The following NEBL variants were observed in gnomAD, a reference collection of about 807,000 sequenced individuals.
NEBL encodes nebulette, also known as LIM and SH3 protein 2.
A neutral mutation model predicts 140.2 loss-of-function variants in NEBL; 122 were observed. The ratio of observed to expected loss-of-function variants is 0.87; its 90% CI spans 0.75 to 1.01. NEBL has a LOEUF of 1.01. NEBL is among the 50% of genes least tolerant of loss of function. The pLI is 0.00. For missense variants in NEBL, 1,365 were observed against 1,231.3 expected (o/e 1.11, Z -1.62); for synonymous variants, 436 against 398.9 (o/e 1.09, Z -1.11).
chr10:21,132,966 G>A (rs1027551316), intron 2 of NEBL, among the ~76,000 whole-genome samples: 1 of 152,142 alleles, frequency 6.6e-6, no homozygotes, highest in East Asian at 1.9e-4. Context: ...TTGAAGGACA[G>A]GTGTTTTTAA....
rs575931840 is a variant in NEBL, at chr10:20,929,270, T to C, written c.357+32402A>G. On this transcript the variant is annotated intron_variant, in intron 4 of 6. Coordinates refer to the NEBL transcript ENST00000417816. ...AATGTGAGAGATATAAATATATATATATATATATTCCTATCACTGATTAAA... is the reference window on the plus strand; with the variant it reads ...AATGTGAGAGATATAAATATATATACATATATATTCCTATCACTGATTAAA... Among the ~76,000 whole-genome samples, 85 of 151,938 alleles carry C rather than the reference T, an allele frequency of 5.6e-4. 1 individual carries two copies. The highest frequency in any genetic ancestry group is 2.0e-3 in the African/African-American group (83 of 41,452).
At chr10:21,272,990 G>T (rs369189128) in intron 1 of NEBL, among the ~76,000 whole-genome samples, 3 of 151,966 alleles carry the variant, frequency 2.0e-5, no homozygotes, top group African/African-American at 7.3e-5. Flanking sequence ...CTGCCACCCC[G>T]CCCCAACCAA....
intron 2 of NEBL, among the ~76,000 whole-genome samples, chr10:21,098,122 G>A (rs1837284251): frequency 1.3e-5 from 2 of 152,256 alleles, no homozygotes; most frequent in South Asian, 4.2e-4. Flanking sequence ...GAGTGGATAT[G>A]AATTTATAAC....
intron 10 of NEBL, among the ~76,000 whole-genome samples, chr10:20,851,022 T>G (rs1444513494): frequency 2.0e-5 from 3 of 152,228 alleles, no homozygotes; most frequent in African/African-American, 7.2e-5. Context: ...CTTATATGAT[T>G]TATATCAATT....
Position 20,782,788 on chromosome 10 carries a change from A to G in NEBL, c.*2959T>C, listed in dbSNP as rs559233771. ...TGTAAACAATAACAAGAAGACATGAAGGATTCATTTTGCCATAGGTTAGAA... is the reference window on the plus strand; with the variant it reads ...TGTAAACAATAACAAGAAGACATGAGGGATTCATTTTGCCATAGGTTAGAA... On this transcript the variant is annotated 3_prime_UTR_variant, in exon 28 of 28. Transcript: ENST00000377122. The G allele has an allele frequency of 4.6e-5, 7 of 152,584 alleles. No individual in the cohort carries two copies. The South Asian group carries it at 1.5e-3, about 32-fold the overall frequency. 9.5% of individuals were successfully genotyped at this position (152,584 alleles called of 1,614,324 possible). A position where few individuals can be genotyped will look rare whatever the true frequency, so the allele number is the denominator to read the frequency against.
At chr10:21,292,853 C>T (rs1003633172) in exon 1 of NEBL, among the ~76,000 whole-genome samples, 2 of 152,182 alleles carry the variant, frequency 1.3e-5, no homozygotes, top group Admixed American at 1.3e-4. Context: ...TTTCCACCCA[C>T]GCAGGGAAAC....
chr10:20,856,572 C>G (rs1336412761), intron 9 of NEBL, among the ~76,000 whole-genome samples: 1 of 152,024 alleles, frequency 6.6e-6, no homozygotes. Context: ...ATTTTAGAAG[C>G]ATATCTATGA....
rs545248664 is a variant in NEBL at position 21,289,792 on chromosome 10, T to C, written n.182+3038A>G. ...TTAATTTTAATATTCTGAGGCTAGA[T>C]AGTGGGTCAGAAACTACAGTCAAAG... On this transcript the variant is annotated intron_variant and non_coding_transcript_variant, in intron 1 of 8. Coordinates refer to the NEBL transcript ENST00000675702. Among the ~76,000 whole-genome samples the C allele has an allele frequency of 4.4e-4, 67 of 152,310 alleles. 1 individual carries two copies. Among genetic ancestry groups the C allele is most frequent in the Admixed American group, 4.2e-3 (64 of 15,294 alleles).
At chr10:20,925,970 A>G (rs1833893990) in intron 4 of NEBL, among the ~76,000 whole-genome samples, 1 of 152,312 alleles carries the variant, frequency 6.6e-6, no homozygotes, top group Non-Finnish European at 1.5e-5. Flanking sequence ...GGCCATTCGT[A>G]AACAGGTGTC....
chr10:20,939,800 G>A lies in NEBL; in HGVS notation c.357+21872C>T, dbSNP rs926934961. Among the ~76,000 whole-genome samples the A allele has an allele frequency of 7.9e-5, 12 of 152,182 alleles. 2 individuals are homozygous for A. Among genetic ancestry groups the A allele is most frequent in the African/African-American group, 2.2e-4 (9 of 41,530 alleles). On this transcript the variant is annotated intron_variant, in intron 4 of 6. Transcript: ENST00000417816. ...GGTTGCAATCCTAGTCTCTGATAAA[G>A]CAGACTTTAAATGAACAAAGATCAA...
chr10:21,273,038 A>G (rs1842877659), intron 1 of NEBL, among the ~76,000 whole-genome samples: 1 of 152,192 alleles, frequency 6.6e-6, no homozygotes, highest in Non-Finnish European at 1.5e-5. Context: ...GAAAGAGGAA[A>G]TGTGACTTGG....
chr10:21,102,122 T>A (rs1837506421), intron 2 of NEBL, among the ~76,000 whole-genome samples: 1 of 152,250 alleles, frequency 6.6e-6, no homozygotes, highest in Non-Finnish European at 1.5e-5. Flanking sequence ...TAAGGTCTCA[T>A]CTGCTCTAAA....
At chr10:21,051,081 T>A (rs187895945) in intron 2 of NEBL, among the ~76,000 whole-genome samples, 2 of 152,068 alleles carry the variant, frequency 1.3e-5, no homozygotes, top group East Asian at 3.9e-4. Context: ...CCAGCCAGGA[T>A]GAAAAAAGAA....
chr10:21,178,879 A>T (rs557429435), upstream of NEBL, among the ~76,000 whole-genome samples: 3 of 152,232 alleles, frequency 2.0e-5, no homozygotes, highest in South Asian at 6.2e-4. Context: ...CCCTTCTGGG[A>T]TTGAGTCTCT....
intron 26 of NEBL, 83 bp from the exon 27 acceptor site, chr10:20,787,391 T>C: frequency 9.2e-7 from 1 of 1,084,260 alleles, no homozygotes; most frequent in Non-Finnish European, 1.4e-6. Flanking sequence ...AGTGATGTTA[T>C]GCTCTGCTAG....
intron 4 of NEBL, among the ~76,000 whole-genome samples, chr10:20,909,692 A>G (rs939804974): frequency 6.6e-6 from 1 of 152,190 alleles, no homozygotes; most frequent in African/African-American, 2.4e-5. Flanking sequence ...GCTAATGAAG[A>G]TAATTTACAG....
intron 2 of NEBL, among the ~76,000 whole-genome samples, chr10:21,132,592 C>T (rs1839163414): frequency 6.6e-6 from 1 of 152,146 alleles, no homozygotes; most frequent in East Asian, 1.9e-4. Context: ...CACCATTTTA[C>T]ACTCCCACCT....
intron 13 of NEBL, among the ~76,000 whole-genome samples, chr10:20,838,019 A>G (rs1191381263): frequency 6.6e-6 from 1 of 152,206 alleles, no homozygotes; most frequent in African/African-American, 2.4e-5. Context: ...AGAAATGTAT[A>G]AGGATATTCA....
At chr10:20,980,534 G>T (rs773002695) in intron 3 of NEBL, among the ~76,000 whole-genome samples, 11 of 152,134 alleles carry the variant, frequency 7.2e-5, no homozygotes, top group Non-Finnish European at 1.6e-4. Context: ...TATATAGCGT[G>T]CATGGTACAA....
Sources: allele counts gnomAD v4.1 joint callset (sites outside exome capture counted in the v4.1 genomes callset), GRCh38; gene constraint gnomAD v4.1.1; transcripts MANE v1.5; gene names NCBI Gene and HGNC (gene_info 2026-07-23, HGNC 2026-07-21).